The following CADM1 variants were observed in gnomAD, a reference collection of about 807,000 sequenced individuals.
CADM1 encodes cell adhesion molecule 1.
Under a neutral mutation model 53.1 loss-of-function variants are expected in CADM1, and 15 were observed. The observed-to-expected ratio is 0.28, with a 90% CI of 0.19 to 0.44. The LOEUF (loss-of-function observed/expected upper bound fraction) is 0.44, where lower values mean the gene tolerates loss of function less well. CADM1 is among the 20% of genes least tolerant of loss of function. The pLI is 1.00. For synonymous variants in CADM1, 281 were observed against 243.0 expected, an observed-to-expected ratio of 1.16 and a Z score of -1.45; for missense variants, 434 against 611.3, an observed-to-expected ratio of 0.71 and a Z score of 3.06.
At chr11:115,410,457 T>C (rs1242337594) in intron 1 of CADM1, among the ~76,000 whole-genome samples, 3 of 151,908 alleles carry the variant, frequency 2.0e-5, no homozygotes, top group African/African-American at 7.3e-5. Context: ...AATTCCTCTC[T>C]AAGAAAAATA....
At chr11:115,360,133 T>C (rs1945988878) in intron 1 of CADM1, among the ~76,000 whole-genome samples, 1 of 152,154 alleles carries the variant, frequency 6.6e-6, no homozygotes, top group South Asian at 2.1e-4. Flanking sequence ...TACTTTGACA[T>C]TTGTATAAGT....
chr11:115,473,197 G>A (rs574632401), intron 1 of CADM1, among the ~76,000 whole-genome samples: 9 of 152,328 alleles, frequency 5.9e-5, no homozygotes, highest in East Asian at 3.9e-4. Context: ...GATGGCTCAC[G>A]TGTATAATCC....
chr11:115,352,379 C>T (rs543204977), intron 1 of CADM1, among the ~76,000 whole-genome samples: 1 of 152,268 alleles, frequency 6.6e-6, no homozygotes, highest in East Asian at 1.9e-4. Context: ...CGCACTTGTG[C>T]AAGAATGAAT....
intron 10 of CADM1, among the ~76,000 whole-genome samples, chr11:115,186,302 G>A (rs543632909): frequency 1.6e-4 from 25 of 152,294 alleles, no homozygotes; most frequent in African/African-American, 4.6e-4. Flanking sequence ...CTAAACTACT[G>A]AAGCAGAGTT....
At chr11:115,469,107 CA>C (rs1948955353) in intron 1 of CADM1, among the ~76,000 whole-genome samples, 1 of 152,156 alleles carries the variant, frequency 6.6e-6, no homozygotes. Context: ...GACACAGCCA[CA>C]CCACATCAAT....
At chr11:115,298,727 CTACAGTT>C (rs1473922315) in intron 1 of CADM1, among the ~76,000 whole-genome samples, 5 of 152,300 alleles carry the variant, frequency 3.3e-5, no homozygotes, top group African/African-American at 1.2e-4. Context: ...ATTTCCTTCT[CTACAGTT>C]TACAGTTACA....
intron 1 of CADM1, among the ~76,000 whole-genome samples, chr11:115,351,903 A>ATG (rs1416685041): frequency 6.6e-5 from 10 of 152,156 alleles, no homozygotes; most frequent in Non-Finnish European, 1.5e-4. Flanking sequence ...TTTCCTCACC[A>ATG]CCACTTAAAC....
chr11:115,241,627 C>T (rs1158364536), intron 1 of CADM1, among the ~76,000 whole-genome samples: 1 of 152,192 alleles, frequency 6.6e-6, no homozygotes, highest in Non-Finnish European at 1.5e-5. Flanking sequence ...GCATTTAGCA[C>T]TGTGTCTAGT....
At chr11:115,269,486 T>C (rs1391383130) in intron 1 of CADM1, among the ~76,000 whole-genome samples, 1 of 152,164 alleles carries the variant, frequency 6.6e-6, no homozygotes, top group East Asian at 1.9e-4. Flanking sequence ...ATGCTCCCAA[T>C]TAGTTATTCT....
intron 1 of CADM1, among the ~76,000 whole-genome samples, chr11:115,399,994 A>G (rs1370075940): frequency 6.6e-6 from 1 of 152,198 alleles, no homozygotes; most frequent in Non-Finnish European, 1.5e-5. Context: ...TGTGATGTAC[A>G]TACAAAATTC....
intron 1 of CADM1, among the ~76,000 whole-genome samples, chr11:115,256,563 C>A (rs1167374828): frequency 6.6e-6 from 1 of 152,166 alleles, no homozygotes; most frequent in Non-Finnish European, 1.5e-5. Context: ...AGAGAATTCA[C>A]CTCAGAGTGA....
intron 1 of CADM1, among the ~76,000 whole-genome samples, chr11:115,380,864 C>G (rs964258271): frequency 6.6e-6 from 1 of 152,164 alleles, no homozygotes; most frequent in Non-Finnish European, 1.5e-5. Flanking sequence ...AAAACAACTA[C>G]AGAGAGAGAA....
intron 1 of CADM1, among the ~76,000 whole-genome samples, chr11:115,355,200 G>C (rs1945833273): frequency 6.6e-6 from 1 of 152,202 alleles, no homozygotes. Flanking sequence ...CAAAGACATG[G>C]AATCAACCTA....
At chr11:115,217,797 G>T in intron 6 of CADM1, 95 bp downstream of exon 6, 9 of 802,732 alleles carry the variant, frequency 1.1e-5, no homozygotes, top group Non-Finnish European at 2.0e-5. Context: ...TGCAGCAGGA[G>T]ACAGGTGACA....
At chr11:115,210,396 T>C (rs1940903262) in intron 7 of CADM1, among the ~76,000 whole-genome samples, 1 of 152,136 alleles carries the variant, frequency 6.6e-6, no homozygotes, top group South Asian at 2.1e-4. Context: ...GAACTAAATA[T>C]AAATGAGACT....
chr11:115,220,341 A>G (rs921682759), intron 5 of CADM1, among the ~76,000 whole-genome samples: 1 of 152,146 alleles, frequency 6.6e-6, no homozygotes, highest in African/African-American at 2.4e-5. Context: ...TATGTTCCTA[A>G]TGAGCTGTTT....
chr11:115,422,389 C>T (rs1174969917), intron 1 of CADM1, among the ~76,000 whole-genome samples: 5 of 152,186 alleles, frequency 3.3e-5, no homozygotes, highest in African/African-American at 1.2e-4. Context: ...GAAAAACAGG[C>T]AGGCATTACA....
chr11:115,263,362 C>G (rs1271934907), intron 1 of CADM1, among the ~76,000 whole-genome samples: 1 of 152,174 alleles, frequency 6.6e-6, no homozygotes, highest in East Asian at 1.9e-4. Flanking sequence ...GTTAAAACCA[C>G]CAGAGGAATT....
intron 1 of CADM1, among the ~76,000 whole-genome samples, chr11:115,280,262 G>A (rs1233848801): frequency 1.3e-5 from 2 of 152,154 alleles, no homozygotes; most frequent in African/African-American, 2.4e-5. Flanking sequence ...TTGGACAATA[G>A]AGACTCATCA....
Sources: allele counts gnomAD v4.1 joint callset (sites outside exome capture counted in the v4.1 genomes callset), GRCh38; gene constraint gnomAD v4.1.1; transcripts MANE v1.5; gene names NCBI Gene and HGNC (gene_info 2026-07-23, HGNC 2026-07-21).